Variants in SMARCA1 observed in about 807,000 individuals in gnomAD.
The protein encoded by SMARCA1 is SNF2 related chromatin remodeling ATPase 1, also known as SWI/SNF-related matrix-associated actin-dependent regulator of chromatin subfamily A member 1.
In SMARCA1, 17 loss-of-function variants were observed where a neutral mutation model predicts 93.6. The ratio of observed to expected loss-of-function variants is 0.18; its 90% CI spans 0.12 to 0.27. SMARCA1 has a LOEUF of 0.27. Among genes scored for constraint, SMARCA1 ranks in the 10% least tolerant of loss-of-function variants. SMARCA1 has a pLI of 1.00. For missense variants in SMARCA1, 630 were observed against 819.0 expected, an observed-to-expected ratio of 0.77 and a Z score of 2.82; for synonymous variants, 271 against 271.4, an observed-to-expected ratio of 1.00 and a Z score of 0.01.
intron 6 of SMARCA1, among the ~76,000 whole-genome samples, chrX:129,511,059 G>A (rs1447539772): frequency 9.0e-6 from 1 of 110,998 alleles, no homozygotes; most frequent in African/African-American, 3.3e-5. Flanking sequence ...GTGTTCTCTG[G>A]AGGCAAATAA....
At chrX:129,456,775 A>T (rs1261420009) in intron 23 of SMARCA1, among the ~76,000 whole-genome samples, 2 of 112,052 alleles carry the variant, frequency 1.8e-5, no homozygotes, top group African/African-American at 3.2e-5. Context: ...ATTTCATGAT[A>T]AAACTTGAGT....
chrX:129,484,458 G>A (rs1933809800), intron 17 of SMARCA1, among the ~76,000 whole-genome samples: 1 of 111,562 alleles, frequency 9.0e-6, no homozygotes, highest in Non-Finnish European at 1.9e-5. Context: ...ATCAGAAGCA[G>A]TAACAGAAAC....
intron 19 of SMARCA1, among the ~76,000 whole-genome samples, chrX:129,478,365 C>T (rs1308056647): frequency 8.9e-6 from 1 of 112,294 alleles, no homozygotes; most frequent in South Asian, 3.7e-4. Flanking sequence ...AAAGGTCCTC[C>T]TTTTACTCTT....
chrX:129,469,406 T>C (rs1402260855), intron 20 of SMARCA1, among the ~76,000 whole-genome samples: 3 of 112,109 alleles, frequency 2.7e-5, no homozygotes, highest in Admixed American at 1.9e-4. Flanking sequence ...TTCTAAATTA[T>C]GTTCATAAAT....
chrX:129,507,498 T>C (rs754412232), intron 7 of SMARCA1, among the ~76,000 whole-genome samples: 1 of 113,145 alleles, frequency 8.8e-6, no homozygotes, highest in South Asian at 3.6e-4. Context: ...TCAATTTTAA[T>C]GTGTCTTGTA....
intron 19 of SMARCA1, 36 bp from the exon 20 acceptor site, chrX:129,471,362 G>A: frequency 9.5e-7 from 1 of 1,049,942 alleles, no homozygotes; most frequent in Non-Finnish European, 1.3e-6. Flanking sequence ...GTAAACTGAT[G>A]AGAAAAATTA....
chrX:129,469,228 T>G (rs1360964918), intron 20 of SMARCA1, among the ~76,000 whole-genome samples: 1 of 111,660 alleles, frequency 9.0e-6, no homozygotes. Context: ...AGTCGTGATA[T>G]TCTAGTACTT....
In SMARCA1 at chrX:129,504,549, TAAAAAAAAAAAAAAAAA is replaced by T. The variant is rs780225300; in HGVS notation, c.1167+168_1167+184del. Among the ~76,000 whole-genome samples, 29 of 24,205 alleles carry T rather than the reference TAAAAAAAAAAAAAAAAA, an allele frequency of 1.2e-3. 1 individual carries two copies. The Admixed American group carries it at 0.015, about 13-fold the overall frequency. 21.0% of individuals were successfully genotyped at this position (24,205 alleles called of 115,157 possible). ...GAGAGAGGCTGAGGACATAGAGGAATAAAAAAAAAAAAAAAAAAAAAAAAAAAAAAAACAAAGAGGCT... is the reference window on the plus strand; with the variant it reads ...GAGAGAGGCTGAGGACATAGAGGAATAAAAAAAAAAAAAAACAAAGAGGCT... On this transcript the variant is annotated intron_variant, in intron 9 of 24. Transcript: ENST00000371121.
At chrX:129,494,040 G>A (rs1477263189) in intron 12 of SMARCA1, among the ~76,000 whole-genome samples, 1 of 112,188 alleles carries the variant, frequency 8.9e-6, no homozygotes, top group Non-Finnish European at 1.9e-5. Context: ...GCATTTCCAA[G>A]AAGAAAGGAA....
At chrX:129,471,608 G>T (rs1189554764) in intron 19 of SMARCA1, among the ~76,000 whole-genome samples, 1 of 110,873 alleles carries the variant, frequency 9.0e-6, no homozygotes, top group Non-Finnish European at 1.9e-5. Flanking sequence ...TTATACTATT[G>T]TAATATACAG....
At chrX:129,493,006 C>A in intron 13 of SMARCA1, 34 bp downstream of exon 13, 1 of 455,275 alleles carries the variant, frequency 2.2e-6, no homozygotes. Context: ...AGCAATTTGG[C>A]AATATGCATC....
chrX:129,507,233 T>C (rs1243428965), intron 7 of SMARCA1, among the ~76,000 whole-genome samples: 1 of 111,292 alleles, frequency 9.0e-6, no homozygotes, highest in Non-Finnish European at 1.9e-5. Context: ...TTGATGGAGT[T>C]GAATGGCAAG....
rs1932028646 is a variant in SMARCA1 at position 129,446,591 on chromosome X, T to C, written c.*571A>G. 8.9e-6 allele frequency: 1 copy of C among 112,619 alleles called. No individual in the cohort carries two copies. 9.3% of individuals were successfully genotyped at this position (112,619 alleles called of 1,213,427 possible). Reference sequence around the variant, plus strand: ...ATGCATACTGACAGCAAGCACAGTATCAAATATTAGCTTTTTTAATATTTT... The same window carrying C: ...ATGCATACTGACAGCAAGCACAGTACCAAATATTAGCTTTTTTAATATTTT... On this transcript the variant is annotated 3_prime_UTR_variant, in exon 25 of 25. Transcript: ENST00000371121.
rs374890468 is a variant in SMARCA1 at position 129,483,329 on chromosome X, A to T, written c.2218-2144T>A. Among the ~76,000 whole-genome samples, 81 of 111,793 alleles carry T rather than the reference A, an allele frequency of 7.2e-4. 1 individual carries two copies. The South Asian group carries it at 0.03, about 42-fold the overall frequency. ...ACACTACAGTGTTCAGAGGCTGCAT[A>T]TCTGTCTTGGATGCTAAAGATGAGA... On this transcript the variant is annotated intron_variant, in intron 17 of 24. Transcript: ENST00000371121.
chrX:129,480,232 C>A (rs1047197511), intron 19 of SMARCA1, among the ~76,000 whole-genome samples: 1 of 112,174 alleles, frequency 8.9e-6, no homozygotes, highest in Non-Finnish European at 1.9e-5. Flanking sequence ...AATTCACTAT[C>A]ATGTTTATCA....
intron 23 of SMARCA1, among the ~76,000 whole-genome samples, chrX:129,451,983 G>A (rs765792787): frequency 8.9e-6 from 1 of 112,004 alleles, no homozygotes; most frequent in Non-Finnish European, 1.9e-5. Context: ...GATTACAGGC[G>A]TGAGCCACCA....
At chrX:129,465,428 T>C in intron 23 of SMARCA1, 92 bp downstream of exon 23, 1 of 566,636 alleles carries the variant, frequency 1.8e-6, no homozygotes, top group Non-Finnish European at 2.9e-6. Flanking sequence ...TGTGTCAAAA[T>C]GTTAATTGGA....
chrX:129,473,848 G>T (rs1005143158), intron 19 of SMARCA1, among the ~76,000 whole-genome samples: 8 of 111,956 alleles, frequency 7.1e-5, no homozygotes, highest in African/African-American at 2.6e-4. Flanking sequence ...GACAGAAATG[G>T]TCTATATCTT....
chrX:129,475,348 G>A (rs1830801), intron 19 of SMARCA1, among the ~76,000 whole-genome samples: 9,949 of 108,828 alleles, frequency 0.091, 429 homozygotes, highest in East Asian at 0.32. Context: ...ATGAAACCCC[G>A]TCTCTCCTAA....
Sources: allele counts gnomAD v4.1 joint callset (sites outside exome capture counted in the v4.1 genomes callset), GRCh38; gene constraint gnomAD v4.1.1; transcripts MANE v1.5; gene names NCBI Gene and HGNC (gene_info 2026-07-23, HGNC 2026-07-21).